Variants in COL5A1 observed in about 807,000 individuals in gnomAD.
The protein encoded by COL5A1 is collagen alpha-1(V) chain.
In COL5A1, 16 loss-of-function variants were observed where a neutral mutation model predicts 263.7. The ratio of observed to expected loss-of-function variants is 0.06; its 90% confidence interval spans 0.04 to 0.09. The LOEUF is 0.09. Among genes scored for constraint, COL5A1 ranks in the 10% least tolerant of loss-of-function variants. COL5A1 has a pLI of 1.00. For missense variants in COL5A1, 2,036 were observed against 2,540.5 expected (o/e 0.80, Z 4.27); for synonymous variants, 1,012 against 1,004.5 (o/e 1.01, Z -0.14).
At position 134,732,121 on chromosome 9, in the gene COL5A1, C is replaced by G. The variant is rs61736827; in HGVS notation, c.1383C>G (p.Ile461Met). ...GCCAAAAGGGAGAACCAGCGATTAT[C>G]GAGCCGGTGAGGACATTTTCTCATT... ...EKGQKGEPAI[I>M]EPGMLIEGPP... The change falls in exon 9 of 66, where the codon ATC becomes ATG. Residue 461 changes from isoleucine to methionine, a missense_variant. Ile to Met is a conservative substitution (Grantham distance 10). Around this residue, in one of 3 missense-constraint regions of COL5A1, gnomAD observed 600 missense variants for 634.5 expected, o/e 0.95. Transcript: ENST00000371817. 22 of 1,614,236 alleles carry G rather than the reference C, an allele frequency of 1.4e-5. No individual in the cohort carries two copies. The highest frequency in any genetic ancestry group is 8.8e-5 in the South Asian group (8 of 91,086).
intron 27 of COL5A1, among the ~76,000 whole-genome samples, chr9:134,777,604 C>T (rs1252978026): frequency 1.3e-5 from 2 of 152,060 alleles, no homozygotes; most frequent in Non-Finnish European, 2.9e-5. Flanking sequence ...TCTAGTTGGT[C>T]CCATTCCTCC....
chr9:134,756,552 C>T (rs1387646434), intron 16 of COL5A1, among the ~76,000 whole-genome samples: 6 of 152,210 alleles, frequency 3.9e-5, no homozygotes, highest in African/African-American at 9.7e-5. Flanking sequence ...AGACCAGCCC[C>T]GTGTGTTCCA....
At chr9:134,776,194 C>G (rs1837045935) in intron 27 of COL5A1, among the ~76,000 whole-genome samples, 1 of 152,120 alleles carries the variant, frequency 6.6e-6, no homozygotes, top group African/African-American at 2.4e-5. Flanking sequence ...TTCCCTAAAG[C>G]CAGCTTCTAC....
chr9:134,840,034 C>T (rs903154410), intron 65 of COL5A1, among the ~76,000 whole-genome samples: 9 of 152,244 alleles, frequency 5.9e-5, no homozygotes, highest in Admixed American at 1.3e-4. Flanking sequence ...TGCCCCATGG[C>T]GAGGTCCTTT....
chr9:134,788,394 G>A (rs573902393), intron 31 of COL5A1, among the ~76,000 whole-genome samples: 2 of 151,868 alleles, frequency 1.3e-5, no homozygotes, highest in East Asian at 3.9e-4. Context: ...ATGAATGGAG[G>A]GGTAGGTGGA....
chr9:134,765,231 G>A lies in COL5A1; in HGVS notation c.2035-450G>A, dbSNP rs80220396. ...TGGTGCTCTCCTGCCCGCACCCTCT[G>A]ACCCTGTGATATCATAAAAACAATC... is the stretch of plus-strand genomic sequence containing the variant. On this transcript the variant is annotated intron_variant, in intron 20 of 65. Coordinates refer to ENST00000371817, the MANE Select transcript of COL5A1 (RefSeq NM_000093.5). This position sits in a 1 kb window ranked among gnomAD's most constrained non-coding sequence, Gnocchi z 5.1. 0.023 allele frequency among the ~76,000 whole-genome samples: 3,487 copies of A among 152,228 alleles called. 132 individuals carry two copies. The highest frequency in any genetic ancestry group is 0.08 in the African/African-American group (3,303 of 41,524).
At chr9:134,830,781 A>T (rs946022134) in intron 64 of COL5A1, among the ~76,000 whole-genome samples, 1 of 152,228 alleles carries the variant, frequency 6.6e-6, no homozygotes, top group African/African-American at 2.4e-5. Flanking sequence ...AGAACCACAT[A>T]GGAGGTTCTT....
chr9:134,728,445 C>G (rs1453593103), intron 5 of COL5A1, among the ~76,000 whole-genome samples: 2 of 152,250 alleles, frequency 1.3e-5, no homozygotes, highest in Admixed American at 1.3e-4. Flanking sequence ...TCGAGGGGAC[C>G]TGGTGTTCCC....
intron 20 of COL5A1, among the ~76,000 whole-genome samples, chr9:134,764,412 T>G (rs1836584285): frequency 9.1e-6 from 1 of 110,076 alleles, no homozygotes; most frequent in Non-Finnish European, 1.8e-5. Context: ...TCCAGGGGCA[T>G]TGTGGGGGGG....
In COL5A1 at chr9:134,814,105, G is replaced by A. The variant is rs758935674; in HGVS notation, c.3906+69G>A. On this transcript the variant is annotated intron_variant, in intron 49 of 65. Transcript: ENST00000371817. ...GGGTGTGTGGACGGGGTGCTGGGTT[G>A]GAGGCTCTGGCTCTGCCTTAGCTTT... The A allele has an allele frequency of 3.5e-5, 52 of 1,472,394 alleles. No individual in the cohort carries two copies. The Admixed American group carries it at 3.6e-4, about 10-fold the overall frequency. 91.2% of individuals were successfully genotyped at this position (1,472,394 alleles called of 1,614,324 possible). A position where few individuals can be genotyped will look rare whatever the true frequency, so the allele number is the denominator to read the frequency against.
chr9:134,834,324 T>G (rs937798691), intron 64 of COL5A1, among the ~76,000 whole-genome samples: 1 of 152,208 alleles, frequency 6.6e-6, no homozygotes, highest in Admixed American at 6.5e-5. Context: ...AATGGTTCTC[T>G]GTTCACTCAA....
intron 4 of COL5A1, among the ~76,000 whole-genome samples, chr9:134,709,402 C>T (rs1281578423): frequency 6.6e-6 from 1 of 152,298 alleles, no homozygotes; most frequent in East Asian, 1.9e-4. Context: ...CTGGCTGGAG[C>T]CAGTGTGCAG....
chr9:134,700,189 A>C lies in COL5A1; in HGVS notation c.491+67A>C. 6.8e-7 allele frequency: 1 copy of C among 1,473,044 alleles called. No individual in the cohort carries two copies. The allele number at this position is 1,473,044 out of a possible 1,614,324, so 91.2% of individuals were successfully genotyped here. On this transcript the variant is annotated intron_variant, in intron 3 of 65. Transcript: ENST00000371817. This position sits in a 1 kb window ranked among gnomAD's most constrained non-coding sequence, Gnocchi z 4.0. The stretch of plus-strand genomic sequence containing the variant: ...GGGATCAGGCCAGCTCATACCACTG[A>C]CCAGATGTGGGGCACAGTAGAGGAC...
intron 64 of COL5A1, among the ~76,000 whole-genome samples, chr9:134,833,908 G>A (rs1046213772): frequency 3.9e-5 from 6 of 152,188 alleles, no homozygotes; most frequent in African/African-American, 1.4e-4. Flanking sequence ...GGGAGGGCTG[G>A]GATACAGATC....
rs1263295049 is a variant in COL5A1, at chr9:134,819,000, G to C, written c.4393G>C (p.Gly1465Arg). The change falls in exon 57 of 66, where the codon GGT becomes CGT. Residue 1465 changes from glycine (G) to arginine (R), a missense_variant and splice_region_variant. Physicochemically the swap from Gly to Arg is moderately radical, Grantham distance 125 (BLOSUM62 -2). Coordinates refer to ENST00000371817, the MANE Select transcript of COL5A1 (RefSeq NM_000093.5). The surrounding 1 kb of genome is among the most constrained non-coding windows in gnomAD (Gnocchi z 6.0). ...CTGATCCCCCTGCCTCCTCCCACAG[G>C]GTCCCCCAGGACTTCCCGGCCTCAA... ...PGPDGPPGPM[G>R]PPGLPGLKGD... 1 of 1,613,286 alleles carries C rather than the reference G, an allele frequency of 6.2e-7. No individual in the cohort carries two copies. Among genetic ancestry groups the C allele is most frequent in the Non-Finnish European group, 8.5e-7 (1 of 1,180,016 alleles).
chr9:134,681,842 G>T lies in COL5A1; in HGVS notation c.110-9070G>T, dbSNP rs886870871. ...TGAAGTTAAGGATATTGACTTTGGG[G>T]CCTGCAGAAACCTCCCCTCTCTTCC... On this transcript the variant is annotated intron_variant, in intron 1 of 65. Transcript: ENST00000371817. The surrounding 1 kb of genome is among the most constrained non-coding windows in gnomAD (Gnocchi z 4.3). 2.0e-5 allele frequency among the ~76,000 whole-genome samples: 3 copies of T among 151,956 alleles called. No individual in the cohort carries two copies. Among genetic ancestry groups the T allele is most frequent in the East Asian group, 1.9e-4 (1 of 5,184 alleles).
chr9:134,669,762 C>A (rs933821050), intron 1 of COL5A1, among the ~76,000 whole-genome samples: 1 of 152,120 alleles, frequency 6.6e-6, no homozygotes, highest in African/African-American at 2.4e-5. Context: ...CCTGGCTCTC[C>A]GCAGAGGTGG....
At chr9:134,773,514 G>A (rs1171618900) in intron 26 of COL5A1, among the ~76,000 whole-genome samples, 1 of 152,238 alleles carries the variant, frequency 6.6e-6, no homozygotes, top group Admixed American at 6.5e-5. Context: ...CGCACACCGA[G>A]CTCATGGTCG....
intron 4 of COL5A1, among the ~76,000 whole-genome samples, chr9:134,704,293 C>T (rs776581996): frequency 2.6e-5 from 4 of 152,070 alleles, no homozygotes; most frequent in Admixed American, 6.5e-5. Context: ...TAGTACCCGC[C>T]GCAGTTTTGT....
Sources: allele counts gnomAD v4.1 joint callset (sites outside exome capture counted in the v4.1 genomes callset), GRCh38; gene constraint gnomAD v4.1.1; regional missense constraint gnomAD v4.1.1; non-coding constraint Gnocchi (gnomAD v3.1); transcripts MANE v1.5; gene names NCBI Gene and HGNC (gene_info 2026-07-23, HGNC 2026-07-21).